GARIN5B: variants seen among roughly 807,000 people sequenced by gnomAD.
The protein encoded by GARIN5B is golgi associated RAB2 interactor family member 5B.
At chr19:55,362,087 C>CCTCGA in the GARIN5B span, among the ~76,000 whole-genome samples, 2,481 of 151,484 alleles carry the variant, frequency 0.016, 76 homozygotes, top group African/African-American at 0.056. Flanking sequence ...GCATCTCCTC[C>CCTCGA]CTCGACTCAG....
the GARIN5B span, chr19:55,355,316 G>A: frequency 3.5e-5 from 54 of 1,548,848 alleles, no homozygotes; most frequent in Admixed American, 1.4e-4. Flanking sequence ...CCCCGCATCC[G>A]GCCACTCGGA....
the GARIN5B span, chr19:55,358,508 G>C: frequency 8.5e-6 from 13 of 1,529,708 alleles, no homozygotes; most frequent in Non-Finnish European, 1.1e-5. Context: ...GGGGTCCCAG[G>C]GTGGCTCCTT....
At chr19:55,359,056 AGTC>A in the GARIN5B span, 1 of 1,551,326 alleles carries the variant, frequency 6.4e-7, no homozygotes, top group Non-Finnish European at 8.7e-7. Context: ...ACTTGGCCTG[AGTC>A]GTCATCTCCA....
the GARIN5B span, chr19:55,355,381 G>C: frequency 6.5e-7 from 1 of 1,548,510 alleles, no homozygotes; most frequent in Non-Finnish European, 8.7e-7. Flanking sequence ...GAGCTTTGGG[G>C]GACAGGGTAG....
chr19:55,362,849 TC>T, the GARIN5B span: 1 of 1,467,214 alleles, frequency 6.8e-7, no homozygotes, highest in Non-Finnish European at 9.1e-7. Flanking sequence ...CCTCTCAAGA[TC>T]CCCCAGCACG....
the GARIN5B span, chr19:55,360,938 A>G: frequency 1.3e-6 from 2 of 1,543,708 alleles, no homozygotes; most frequent in Middle Eastern, 1.7e-4. Context: ...CTTTGGTGGC[A>G]TCTGGGCTGG....
chr19:55,362,118 T>G, the GARIN5B span: 1 of 1,284,030 alleles, frequency 7.8e-7, no homozygotes, highest in Non-Finnish European at 1.0e-6. Context: ...CCCCAGCCCC[T>G]CCTCCCTCTA....
the GARIN5B span, chr19:55,361,263 G>T: frequency 6.5e-7 from 1 of 1,550,354 alleles, no homozygotes; most frequent in Admixed American, 2.0e-5. Flanking sequence ...GACATCCTGG[G>T]TCAGGGACCC....
the GARIN5B span, chr19:55,362,187 T>A: frequency 1.4e-6 from 2 of 1,452,234 alleles, no homozygotes; most frequent in Non-Finnish European, 1.8e-6. Flanking sequence ...CCCCTCTGGA[T>A]CTGGCCGGAG....
At chr19:55,358,923 C>T in the GARIN5B span, 1 of 1,551,026 alleles carries the variant, frequency 6.4e-7, no homozygotes, top group Non-Finnish European at 8.7e-7. Flanking sequence ...TCAAGCTTCG[C>T]CCAGTGGGCC....
the GARIN5B span, among the ~76,000 whole-genome samples, chr19:55,360,421 T>C: frequency 6.0e-4 from 36 of 59,892 alleles, no homozygotes; most frequent in Middle Eastern, 0.018. Flanking sequence ...AGGCCCCAGC[T>C]CCTCCTCCCT....
At chr19:55,355,951 C>T in the GARIN5B span, among the ~76,000 whole-genome samples, 1 of 147,974 alleles carries the variant, frequency 6.8e-6, no homozygotes, top group African/African-American at 2.4e-5. Context: ...GGCATCACTG[C>T]ACTTCAGTCT....
At chr19:55,361,919 G>A in the GARIN5B span, among the ~76,000 whole-genome samples, 6 of 142,724 alleles carry the variant, frequency 4.2e-5, no homozygotes, top group East Asian at 1.3e-3. Flanking sequence ...AGACCCAGGA[G>A]TCCAGGCCCC....
chr19:55,362,588 C>T, the GARIN5B span: 16 of 1,542,008 alleles, frequency 1.0e-5, 1 homozygote, highest in Admixed American at 3.9e-5. Context: ...CTGGTCAGCA[C>T]GAGGCCGGAG....
chr19:55,359,800 C>T, the GARIN5B span: 61 of 1,551,246 alleles, frequency 3.9e-5, no homozygotes, highest in Admixed American at 1.6e-4. Flanking sequence ...AGGCAGCAGA[C>T]GACAAAGTGC....
chr19:55,358,311 CCCTCTTG>C, the GARIN5B span: 1 of 1,541,506 alleles, frequency 6.5e-7, no homozygotes, highest in Non-Finnish European at 8.8e-7. Context: ...TCCTGCGACA[CCCTCTTG>C]GGCTGCTGGG....
At chr19:55,356,555 C>T in the GARIN5B span, among the ~76,000 whole-genome samples, 1 of 152,066 alleles carries the variant, frequency 6.6e-6, no homozygotes, top group Admixed American at 6.6e-5. Flanking sequence ...ATCCACCCTC[C>T]TCGGCCTCCC....
At chr19:55,362,583 C>A in the GARIN5B span, 2 of 1,540,780 alleles carry the variant, frequency 1.3e-6, no homozygotes, top group South Asian at 1.2e-5. Context: ...GGCACCTGGT[C>A]AGCACGAGGC....
At chr19:55,355,038 C>A in the GARIN5B span, 1 of 296,112 alleles carries the variant, frequency 3.4e-6, no homozygotes. Flanking sequence ...GGCAAATCCC[C>A]CCAAGCGGCT....
Sources: allele counts gnomAD v4.1 joint callset (sites outside exome capture counted in the v4.1 genomes callset), GRCh38; gene constraint gnomAD v4.1.1; transcripts MANE v1.5; gene names NCBI Gene and HGNC (gene_info 2026-07-23, HGNC 2026-07-21).